The following SRGAP2 variants were observed in gnomAD, a reference collection of about 807,000 sequenced individuals.
SRGAP2 encodes the protein SLIT-ROBO Rho GTPase activating protein 2.
A neutral mutation model predicts 57.2 loss-of-function variants in SRGAP2; 15 were observed. The observed-to-expected ratio is 0.26, with a 90% confidence interval of 0.18 to 0.40. The LOEUF is 0.40. Ranked by LOEUF, SRGAP2 falls within the 10% of genes least tolerant of loss-of-function variation. The probability of loss-of-function intolerance (pLI) is 1.00; values close to 1 mark genes in which losing one functional copy is unlikely to be tolerated. For synonymous variants in SRGAP2, 249 were observed against 248.0 expected (o/e 1.00, Z -0.04); for missense variants, 520 against 669.6 (o/e 0.78, Z 2.47).
At chr1:206,418,542 T>TA (rs1330949964) in intron 11 of SRGAP2, among the ~76,000 whole-genome samples, 4 of 152,258 alleles carry the variant, frequency 2.6e-5, no homozygotes, top group African/African-American at 9.6e-5. Flanking sequence ...TAAAACAGAT[T>TA]GAGCTTCATT....
At chr1:206,453,655 C>G (rs1663546620) in intron 20 of SRGAP2, 3 of 309,220 alleles carry the variant, frequency 9.7e-6, no homozygotes, top group Admixed American at 5.0e-5. Context: ...CCAGCCAGCA[C>G]TCATCCATAT....
At chr1:206,361,436 A>G (rs1676911707) in intron 4 of SRGAP2, among the ~76,000 whole-genome samples, 1 of 151,098 alleles carries the variant, frequency 6.6e-6, no homozygotes, top group South Asian at 2.1e-4. Flanking sequence ...ACTGAACAAG[A>G]AGCATACTTC....
At chr1:206,378,590 G>C (rs1655423881) in intron 4 of SRGAP2, among the ~76,000 whole-genome samples, 1 of 152,182 alleles carries the variant, frequency 6.6e-6, no homozygotes, top group African/African-American at 2.4e-5. Flanking sequence ...GGTGGAGTGG[G>C]GTCTTGGAGA....
At chr1:206,256,842 C>T (rs1669214348) in intron 2 of SRGAP2, among the ~76,000 whole-genome samples, 1 of 152,172 alleles carries the variant, frequency 6.6e-6, no homozygotes, top group East Asian at 1.9e-4. Context: ...AGTCTTGCTT[C>T]CTTGCCTTTA....
At chr1:206,416,686 CCCTGCCCAGATTT>C (rs1659732678) in intron 11 of SRGAP2, among the ~76,000 whole-genome samples, 1 of 152,146 alleles carries the variant, frequency 6.6e-6, no homozygotes, top group African/African-American at 2.4e-5. Context: ...TTTTTTGGCA[CCCTGCCCAGATTT>C]CCTGCCCAAC....
At chr1:206,207,232 G>C (rs1211221687) in intron 2 of SRGAP2, 1 of 151,774 alleles carries the variant, frequency 6.6e-6, no homozygotes, top group Non-Finnish European at 1.5e-5. Context: ...TGATTGCTGG[G>C]GGGTGGGGGT....
intron 5 of SRGAP2, among the ~76,000 whole-genome samples, chr1:206,384,843 TA>T (rs1285900522): frequency 6.6e-6 from 1 of 150,452 alleles, no homozygotes; most frequent in Non-Finnish European, 1.5e-5. Flanking sequence ...ATACAGGGAA[TA>T]CTTAAGTTAT....
intron 3 of SRGAP2, among the ~76,000 whole-genome samples, 161 bp downstream of exon 3, chr1:206,303,634 G>A (rs1208311296): frequency 1.3e-5 from 2 of 152,226 alleles, no homozygotes; most frequent in Non-Finnish European, 2.9e-5. Context: ...TCAGTCTTAT[G>A]TGCAATTCAA....
In SRGAP2 at chr1:206,259,414, GC is replaced by G. The variant is rs1669404159; in HGVS notation, c.68-43866del. On this transcript the variant is annotated intron_variant, in intron 2 of 22. Coordinates refer to ENST00000573034, the MANE Select transcript of SRGAP2 (RefSeq NM_015326.5). ...TGTGATGGCATGATCATAGCTCACT[GC>G]AGCCTCGACCTTCTGGGCTCGAGTG... Among the ~76,000 whole-genome samples, 16 of 150,012 alleles carry G rather than the reference GC, an allele frequency of 1.1e-4. 1 individual carries two copies. The South Asian group carries it at 3.4e-3, about 32-fold the overall frequency.
intron 4 of SRGAP2, among the ~76,000 whole-genome samples, chr1:206,373,009 C>CT (rs1654818438): frequency 1.0e-5 from 1 of 98,706 alleles, no homozygotes; most frequent in Non-Finnish European, 2.0e-5. Context: ...TTCTTTCTTT[C>CT]TTTCTTTCTT....
intron 2 of SRGAP2, among the ~76,000 whole-genome samples, chr1:206,277,834 G>A (rs1670499916): frequency 6.6e-6 from 1 of 152,078 alleles, no homozygotes; most frequent in Admixed American, 6.6e-5. Flanking sequence ...TAAAAAATTA[G>A]CCGGCATGGT....
chr1:206,438,843 C>A (rs1662013347), intron 16 of SRGAP2, among the ~76,000 whole-genome samples: 1 of 152,184 alleles, frequency 6.6e-6, no homozygotes, highest in Non-Finnish European at 1.5e-5. Context: ...CCTAGGTTGA[C>A]CAGATCTTCA....
chr1:206,422,846 A>G (rs1227454940), intron 13 of SRGAP2, among the ~76,000 whole-genome samples: 2 of 152,218 alleles, frequency 1.3e-5, no homozygotes, highest in African/African-American at 4.8e-5. Context: ...AAGATATACC[A>G]AAATCCCCAA....
At chr1:206,230,668 C>T (rs1283654228) in intron 2 of SRGAP2, among the ~76,000 whole-genome samples, 1 of 148,470 alleles carries the variant, frequency 6.7e-6, no homozygotes, top group East Asian at 2.0e-4. Flanking sequence ...GCTCTGTCGC[C>T]CAGGCTGGAG....
At chr1:206,303,886 TCTCACA>T (rs1197237255) in intron 3 of SRGAP2, among the ~76,000 whole-genome samples, 25 of 132,878 alleles carry the variant, frequency 1.9e-4, no homozygotes, top group African/African-American at 2.3e-4. Context: ...TCTCTCTCTC[TCTCACA>T]CACACACACA....
intron 13 of SRGAP2, among the ~76,000 whole-genome samples, chr1:206,422,486 T>A (rs1328975116): frequency 1.3e-5 from 2 of 152,178 alleles, no homozygotes; most frequent in Non-Finnish European, 2.9e-5. Context: ...AGGAATGGAG[T>A]GACTCCTAGA....
At position 206,249,521 on chromosome 1, in the gene SRGAP2, C is replaced by T. The variant is rs1475963328; in HGVS notation, c.67+43484C>T. 6.6e-5 allele frequency among the ~76,000 whole-genome samples: 10 copies of T among 151,396 alleles called. 1 individual carries two copies. Among genetic ancestry groups the T allele is most frequent in the African/African-American group, 2.4e-4 (10 of 41,220 alleles). On this transcript the variant is annotated intron_variant, in intron 2 of 22. Coordinates refer to ENST00000573034, the MANE Select transcript of SRGAP2 (RefSeq NM_015326.5). The stretch of plus-strand genomic sequence containing the variant: ...GAAAACCAAACACCACATGTTCTCA[C>T]TCATAAGTGGGAGTTGAACAATGAG...
intron 3 of SRGAP2, among the ~76,000 whole-genome samples, chr1:206,335,548 A>G (rs1386101909): frequency 5.3e-5 from 8 of 152,092 alleles, no homozygotes; most frequent in Non-Finnish European, 7.3e-5. Context: ...GTCTGCAAAC[A>G]TGGGAGAAGC....
intron 5 of SRGAP2, among the ~76,000 whole-genome samples, chr1:206,389,477 T>A (rs1180919188): frequency 3.9e-5 from 6 of 152,158 alleles, no homozygotes; most frequent in African/African-American, 1.4e-4. Context: ...ATGCCCGGCC[T>A]GTTCTCAGAC....
Sources: allele counts gnomAD v4.1 joint callset (sites outside exome capture counted in the v4.1 genomes callset), GRCh38; gene constraint gnomAD v4.1.1; transcripts MANE v1.5; gene names NCBI Gene and HGNC (gene_info 2026-07-23, HGNC 2026-07-21).